The following SNAP29 variants were observed in gnomAD, a reference collection of about 807,000 sequenced individuals.
SNAP29 encodes synaptosome associated protein 29, also known as synaptosomal-associated protein 29.
Under a neutral mutation model 27.9 loss-of-function variants are expected in SNAP29, and 13 were observed. That is an observed-to-expected ratio of 0.47 (90% CI 0.30 to 0.74). SNAP29 has a LOEUF of 0.74. Among genes scored for constraint, SNAP29 ranks in the 30% least tolerant of loss-of-function variants. The pLI, the probability that SNAP29 is intolerant of heterozygous loss-of-function variation, is 0.06. For synonymous variants in SNAP29, 119 were observed against 127.1 expected, an observed-to-expected ratio of 0.94 and a Z score of 0.43; for missense variants, 368 against 336.5, an observed-to-expected ratio of 1.09 and a Z score of -0.73.
At position 20,887,871 on chromosome 22, in the gene SNAP29, G is replaced by C. The variant is rs1232508501; in HGVS notation, c.*35G>C. 1 of 1,599,430 alleles carries C rather than the reference G, an allele frequency of 6.3e-7. No homozygotes were observed. The highest frequency in any genetic ancestry group is 2.2e-5 in the East Asian group (1 of 44,796). Reference sequence around the variant, plus strand: ...GATTTCCACTCTATTGTGATGAAAAGATTTGAAAGATCTTTTTTTGAACTT... The same window carrying C: ...GATTTCCACTCTATTGTGATGAAAACATTTGAAAGATCTTTTTTTGAACTT... On this transcript the variant is annotated 3_prime_UTR_variant, in exon 5 of 5. Coordinates refer to ENST00000215730, the MANE Select transcript of SNAP29 (RefSeq NM_004782.4).
At chr22:20,872,343 C>T (rs1234390671) in intron 2 of SNAP29, among the ~76,000 whole-genome samples, 2 of 152,026 alleles carry the variant, frequency 1.3e-5, no homozygotes, top group African/African-American at 2.4e-5. Context: ...CAGGTTAAAG[C>T]GATTCTCCTG....
At chr22:20,870,290 G>A in intron 1 of SNAP29, 47 bp from the exon 2 acceptor site, 1 of 1,579,348 alleles carries the variant, frequency 6.3e-7, no homozygotes, top group African/African-American at 1.3e-5. Context: ...CTGCCCTGGG[G>A]GAGAGTCACA....
At chr22:20,883,345 A>T (rs1389240531) in intron 3 of SNAP29, 126 bp from the exon 4 acceptor site, 3 of 692,036 alleles carry the variant, frequency 4.3e-6, no homozygotes, top group Non-Finnish European at 8.0e-6. Flanking sequence ...ATCCCTCTGG[A>T]TAGCCTCAGA....
chr22:20,862,332 A>C (rs1928344870), intron 1 of SNAP29, among the ~76,000 whole-genome samples: 1 of 152,206 alleles, frequency 6.6e-6, no homozygotes, highest in African/African-American at 2.4e-5. Flanking sequence ...GCAGAGGATA[A>C]ACTTGAATCT....
intron 1 of SNAP29, among the ~76,000 whole-genome samples, chr22:20,866,518 C>T (rs1601645826): frequency 6.6e-6 from 1 of 152,262 alleles, no homozygotes; most frequent in East Asian, 1.9e-4. Flanking sequence ...GATGCCCTTC[C>T]GTCAGGAACC....
rs1300779151 is a variant in SNAP29, at chr22:20,889,737, C to T, written c.*1901C>T. On this transcript the variant is annotated 3_prime_UTR_variant, in exon 5 of 5. Coordinates refer to ENST00000215730, the MANE Select transcript of SNAP29 (RefSeq NM_004782.4). The stretch of plus-strand genomic sequence containing the variant: ...TTTTTATCACCGTCAGGCATAGACT[C>T]GTGGAGATTAGTCATTATAGCTCAG... 6.6e-6 allele frequency: 1 copy of T among 152,156 alleles called. No individual in the cohort carries two copies. Among genetic ancestry groups the T allele is most frequent in the African/African-American group, 2.4e-5 (1 of 41,420 alleles). 9.4% of individuals were successfully genotyped at this position (152,156 alleles called of 1,614,324 possible).
chr22:20,864,840 G>C (rs1928419774), intron 1 of SNAP29, among the ~76,000 whole-genome samples: 1 of 152,140 alleles, frequency 6.6e-6, no homozygotes, highest in African/African-American at 2.4e-5. Flanking sequence ...AAGATTGCCT[G>C]AAAAAGGAGG....
At chr22:20,870,022 G>A (rs947903679) in intron 1 of SNAP29, among the ~76,000 whole-genome samples, 1 of 152,134 alleles carries the variant, frequency 6.6e-6, no homozygotes, top group Non-Finnish European at 1.5e-5. Flanking sequence ...GCCCGCCTCA[G>A]CCTCCCAAAA....
Position 20,879,083 on chromosome 22 carries a change from G to A in SNAP29, c.435-1966G>A, listed in dbSNP as rs150794448. On this transcript the variant is annotated intron_variant, in intron 2 of 4. Transcript: ENST00000215730. ...AGCACTTTGGGAGGCCAAGGTGGGC[G>A]GATCACGAGGTCAGGAGATCGAGAC... Among the ~76,000 whole-genome samples the A allele has an allele frequency of 6.4e-3, 971 of 152,244 alleles. 16 individuals carry two copies. The highest frequency in any genetic ancestry group is 0.022 in the African/African-American group (932 of 41,564).
At chr22:20,880,206 A>G (rs1928858378) in intron 2 of SNAP29, among the ~76,000 whole-genome samples, 2 of 152,066 alleles carry the variant, frequency 1.3e-5, no homozygotes, top group Non-Finnish European at 2.9e-5. Context: ...CCATAATAAA[A>G]ATAACTTGGG....
chr22:20,881,056 G>C lies in SNAP29; in HGVS notation c.442G>C (p.Glu148Gln), dbSNP rs1381807711. The change falls in exon 3 of 5, where the codon GAA becomes CAA. Residue 148 changes from glutamate (E) to glutamine (Q), a missense_variant. Glu to Gln is a conservative substitution (Grantham distance 29). Transcript: ENST00000215730. ...LTSQPNNRLKEAISTSKEQEA... is the reference protein window; with the variant it reads ...LTSQPNNRLKQAISTSKEQEA... ...GTGAACTTTTATCCAAAGATTGAAA[G>C]AAGCTATAAGTACAAGTAAAGAACA... 7 of 1,607,540 alleles carry C rather than the reference G, an allele frequency of 4.4e-6. No homozygotes were observed. The highest frequency in any genetic ancestry group is 1.6e-4 in the Middle Eastern group (1 of 6,074).
At chr22:20,881,577 C>T (rs1928893018) in intron 3 of SNAP29, among the ~76,000 whole-genome samples, 2 of 152,202 alleles carry the variant, frequency 1.3e-5, no homozygotes, top group Admixed American at 1.3e-4. Context: ...TGTGGTGGCA[C>T]ATGCCTCTAA....
At chr22:20,879,031 GGT>G (rs1928817916) in intron 2 of SNAP29, among the ~76,000 whole-genome samples, 2 of 152,214 alleles carry the variant, frequency 1.3e-5, no homozygotes, top group Non-Finnish European at 2.9e-5. Flanking sequence ...ACAGTGGCCG[GGT>G]GCAGTGGCTC....
At chr22:20,874,441 C>T (rs1928690134) in intron 2 of SNAP29, among the ~76,000 whole-genome samples, 1 of 150,958 alleles carries the variant, frequency 6.6e-6, no homozygotes, top group Non-Finnish European at 1.5e-5. Context: ...GTCCCAGCTA[C>T]TGAGGTGGCT....
At position 20,883,520 on chromosome 22, in the gene SNAP29, A is replaced by G; in HGVS notation, c.570A>G (p.Pro190=). The stretch of plus-strand genomic sequence containing the variant: ...CTGCCATGAGTACTGATGCTTACCC[A>G]AAGAACCCACACCTTCGAGCCTATC... ...AGSAMSTDAY[P]KNPHLRAYHQ... is the part of the protein sequence containing the mutation. Residue 190 remains proline, a synonymous_variant, in exon 4 of 5, where the codon CCA becomes CCG. Transcript: ENST00000215730. The G allele has an allele frequency of 6.2e-7, 1 of 1,613,816 alleles. No individual in the cohort carries two copies. Among genetic ancestry groups the G allele is most frequent in the South Asian group, 1.1e-5 (1 of 91,072 alleles).
intron 2 of SNAP29, 148 bp from the exon 3 acceptor site, chr22:20,880,901 T>C: frequency 1.6e-6 from 1 of 625,236 alleles, no homozygotes; most frequent in Non-Finnish European, 2.9e-6. Flanking sequence ...GGAGAAGCTG[T>C]TGAAATCCCT....
intron 1 of SNAP29, 35 bp from the exon 2 acceptor site, chr22:20,870,302 A>G (rs1928555733): frequency 6.2e-7 from 1 of 1,607,978 alleles, no homozygotes; most frequent in Non-Finnish European, 8.5e-7. Context: ...AGAGTCACAG[A>G]AAGCTATAAT....
intron 2 of SNAP29, among the ~76,000 whole-genome samples, chr22:20,872,232 T>A (rs913090306): frequency 2.0e-4 from 31 of 151,616 alleles, no homozygotes; most frequent in South Asian, 2.1e-4. Flanking sequence ...TTTATTTATT[T>A]TTTATTTTAT....
chr22:20,873,993 A>AG (rs1928659480), intron 2 of SNAP29, among the ~76,000 whole-genome samples: 1 of 125,238 alleles, frequency 8.0e-6, no homozygotes, highest in Non-Finnish European at 1.7e-5. Flanking sequence ...AAAAAAAAAA[A>AG]GGCCGGGCAT....
Sources: allele counts gnomAD v4.1 joint callset (sites outside exome capture counted in the v4.1 genomes callset), GRCh38; gene constraint gnomAD v4.1.1; transcripts MANE v1.5; gene names NCBI Gene and HGNC (gene_info 2026-07-23, HGNC 2026-07-21).